SCFD2: variants seen among roughly 807,000 people sequenced by gnomAD.
SCFD2 encodes sec1 family domain-containing protein 2.
In SCFD2, 54 loss-of-function variants were observed where a neutral mutation model predicts 58.9. That is an observed-to-expected ratio of 0.92 (90% CI 0.74 to 1.15). The LOEUF (loss-of-function observed/expected upper bound fraction) is 1.15, where lower values mean the gene tolerates loss of function less well. SCFD2 is among the 50% of genes most tolerant of loss of function. The pLI, the probability that SCFD2 is intolerant of heterozygous loss-of-function variation, is 0.00. For synonymous variants in SCFD2, 321 were observed against 335.9 expected (o/e 0.96, Z 0.49); for missense variants, 805 against 836.6 (o/e 0.96, Z 0.47).
At chr4:53,135,320 C>T (rs1725903773) in intron 5 of SCFD2, among the ~76,000 whole-genome samples, 1 of 152,198 alleles carries the variant, frequency 6.6e-6, no homozygotes, top group South Asian at 2.1e-4. Flanking sequence ...TTATTTGACT[C>T]ATGTAATGTT....
intron 2 of SCFD2, among the ~76,000 whole-genome samples, chr4:53,325,560 T>C (rs192490279): frequency 6.6e-6 from 1 of 152,278 alleles, no homozygotes; most frequent in Non-Finnish European, 1.5e-5. Context: ...AATAAGTAAA[T>C]GAACTAAAAG....
At chr4:53,214,181 T>A (rs1015776536) in intron 4 of SCFD2, among the ~76,000 whole-genome samples, 2 of 152,154 alleles carry the variant, frequency 1.3e-5, no homozygotes, top group Admixed American at 6.5e-5. Flanking sequence ...AGTAATGGGA[T>A]GGCTAGGTCA....
chr4:53,017,098 A>C (rs1722231602), intron 5 of SCFD2, among the ~76,000 whole-genome samples: 1 of 144,390 alleles, frequency 6.9e-6, no homozygotes, highest in African/African-American at 2.9e-5. Flanking sequence ...ACAGAGCGAG[A>C]CTCCGTCTCA....
intron 2 of SCFD2, among the ~76,000 whole-genome samples, chr4:53,321,986 G>A (rs1733038981): frequency 6.6e-6 from 1 of 152,212 alleles, no homozygotes. Flanking sequence ...GTGAAACTGA[G>A]CACACTCCAG....
Position 53,365,785 on chromosome 4 carries a change from C to G in SCFD2, c.157G>C (p.Asp53His), listed in dbSNP as rs1202060526. 6.2e-7 allele frequency: 1 copy of G among 1,613,940 alleles called. No homozygotes were observed. The stretch of plus-strand genomic sequence containing the variant: ...GGCTCGAACTCTCGCAGGTGACAGT[C>G]AGGACCCCCCACCGCCTCCAGGAGA... ...TRLLEAVGGP[D>H]CHLREFEPDA... Residue 53 changes from aspartate to histidine, a missense_variant, in exon 1 of 9, where the codon GAC becomes CAC. By Grantham distance (81) the Asp-to-His change is moderately conservative (BLOSUM62 -1). Transcript: ENST00000401642. This position sits in a 1 kb window ranked among gnomAD's most constrained non-coding sequence, Gnocchi z 4.3.
intron 2 of SCFD2, among the ~76,000 whole-genome samples, chr4:53,334,349 C>G (rs1196534850): frequency 6.6e-6 from 1 of 152,110 alleles, no homozygotes; most frequent in Non-Finnish European, 1.5e-5. Context: ...TTGGAACCAA[C>G]CCAAATGTCC....
At chr4:53,253,777 A>C (rs1165665889) in intron 4 of SCFD2, among the ~76,000 whole-genome samples, 1 of 149,950 alleles carries the variant, frequency 6.7e-6, no homozygotes, top group Non-Finnish European at 1.5e-5. Flanking sequence ...ATTAGGAGAT[A>C]TACCTAATGC....
chr4:53,103,768 T>TAAAAA lies in SCFD2; in HGVS notation c.1561+41560_1561+41564dup, dbSNP rs35959095. 1.4e-3 allele frequency among the ~76,000 whole-genome samples: 47 copies of TAAAAA among 34,014 alleles called. 2 individuals carry two copies. Among genetic ancestry groups the TAAAAA allele is most frequent in the African/African-American group, 6.2e-3 (45 of 7,294 alleles). 22.3% of individuals were successfully genotyped at this position (34,014 alleles called of 152,430 possible). On this transcript the variant is annotated intron_variant, in intron 5 of 8. Coordinates refer to ENST00000401642, the MANE Select transcript of SCFD2 (RefSeq NM_152540.4). ...CTTGTAGTTCCAGAAAGTAAGGAAG[T>TAAAAA]AAAAAAAAAAAAAAAAAAAAAAGGC... is the stretch of plus-strand genomic sequence containing the variant.
At chr4:53,025,161 C>A (rs1473064264) in intron 5 of SCFD2, among the ~76,000 whole-genome samples, 1 of 152,168 alleles carries the variant, frequency 6.6e-6, no homozygotes, top group Non-Finnish European at 1.5e-5. Context: ...CTTAGCCCTT[C>A]TGGGTGGCCA....
intron 4 of SCFD2, among the ~76,000 whole-genome samples, chr4:53,191,562 G>A (rs1276692427): frequency 3.3e-5 from 5 of 151,838 alleles, no homozygotes; most frequent in African/African-American, 4.8e-5. Flanking sequence ...GCATGCCACC[G>A]TGCCCAGCTA....
chr4:53,304,254 T>A (rs1732439905), intron 3 of SCFD2, among the ~76,000 whole-genome samples: 1 of 152,164 alleles, frequency 6.6e-6, no homozygotes, highest in Non-Finnish European at 1.5e-5. Context: ...CTGCCTGCCC[T>A]TAACATTTTT....
intron 3 of SCFD2, among the ~76,000 whole-genome samples, chr4:53,278,884 TAA>T (rs1407598335): frequency 2.5e-4 from 28 of 111,438 alleles, no homozygotes; most frequent in African/African-American, 5.5e-4. Flanking sequence ...ACAGATGCTC[TAA>T]AAAAAAAAAA....
At chr4:53,116,510 G>C (rs1461300126) in intron 5 of SCFD2, among the ~76,000 whole-genome samples, 1 of 152,200 alleles carries the variant, frequency 6.6e-6, no homozygotes, top group African/African-American at 2.4e-5. Context: ...TCAGGGGACA[G>C]AGAAGCAGAA....
intron 4 of SCFD2, among the ~76,000 whole-genome samples, chr4:53,188,586 A>T (rs1727805555): frequency 6.6e-6 from 1 of 152,200 alleles, no homozygotes; most frequent in East Asian, 1.9e-4. Flanking sequence ...CAGGCACATC[A>T]CTATGTAACT....
At chr4:52,918,492 A>G (rs1719659656) in intron 6 of SCFD2, among the ~76,000 whole-genome samples, 1 of 152,162 alleles carries the variant, frequency 6.6e-6, no homozygotes, top group African/African-American at 2.4e-5. Flanking sequence ...TTTAAATTTG[A>G]AAAACACTGA....
intron 5 of SCFD2, among the ~76,000 whole-genome samples, chr4:53,007,305 G>GGGGAGAGAGA (rs1553913998): frequency 1.5e-5 from 1 of 66,072 alleles, no homozygotes; most frequent in Non-Finnish European, 2.7e-5. Flanking sequence ...AGAGGGAGAG[G>GGGGAGAGAGA]GAGAGAGAGA....
At chr4:53,095,833 T>TTA (rs200558842) in intron 5 of SCFD2, among the ~76,000 whole-genome samples, 3 of 151,928 alleles carry the variant, frequency 2.0e-5, no homozygotes, top group Admixed American at 2.0e-4. Context: ...AACTCGTCAT[T>TTA]TACATTAGGT....
chr4:53,163,026 A>G (rs1206138728), intron 4 of SCFD2, among the ~76,000 whole-genome samples: 1 of 152,134 alleles, frequency 6.6e-6, no homozygotes, highest in Non-Finnish European at 1.5e-5. Flanking sequence ...GTGACCAGCA[A>G]CAGAGAAATT....
intron 4 of SCFD2, among the ~76,000 whole-genome samples, chr4:53,246,708 TAATTAATTG>T: frequency 6.6e-6 from 1 of 152,184 alleles, no homozygotes; most frequent in Admixed American, 6.5e-5. Flanking sequence ...ATTAAGGACT[TAATTAATTG>T]AATGTAAAAC....
Sources: gnomAD v4.1 joint callset for allele counts (sites outside exome capture counted in the v4.1 genomes callset) on GRCh38, gnomAD v4.1.1 for gene constraint, Gnocchi (gnomAD v3.1) non-coding constraint, MANE v1.5 for transcripts, NCBI Gene and HGNC (gene_info 2026-07-23, HGNC 2026-07-21) for gene names.